The following BCAS4 variants were observed in gnomAD, a reference collection of about 807,000 sequenced individuals.
BCAS4 encodes breast carcinoma amplified sequence 4.
Under a neutral mutation model 15.7 loss-of-function variants are expected in BCAS4, and 9 were observed. That is an observed-to-expected ratio of 0.57 (90% confidence interval 0.34 to 1.00). BCAS4 has a LOEUF of 1.00. Ranked by LOEUF, BCAS4 falls within the 50% of genes least tolerant of loss-of-function variation. BCAS4 has a pLI of 0.02. For synonymous variants in BCAS4, 101 were observed against 99.5 expected (o/e 1.02, Z -0.09); for missense variants, 225 against 239.1 (o/e 0.94, Z 0.39).
rs965574691 is a variant in BCAS4, at chr20:50,795,229, G to C, written c.90+56G>C. 3 of 1,271,784 alleles carry C rather than the reference G, an allele frequency of 2.4e-6. No homozygotes were observed. The African/African-American group carries it at 4.6e-5, about 20-fold the overall frequency. The allele number at this position is 1,271,784 out of a possible 1,614,324, so 78.8% of individuals were successfully genotyped here. On this transcript the variant is annotated intron_variant, in intron 1 of 4. Transcript: ENST00000371608. ...AGGGTTCTCGCGGTTAGGGGTCCGG[G>C]CTCCGGACCCTCGGCTTCCCCGGAG...
At chr20:50,802,558 C>T (rs1348361230) in intron 1 of BCAS4, among the ~76,000 whole-genome samples, 3 of 152,292 alleles carry the variant, frequency 2.0e-5, no homozygotes, top group Middle Eastern at 3.4e-3. Flanking sequence ...CCAGCTTCAG[C>T]GTCACACAGA....
intron 1 of BCAS4, among the ~76,000 whole-genome samples, chr20:50,801,064 A>C (rs753410958): frequency 6.6e-6 from 1 of 152,156 alleles, no homozygotes; most frequent in African/African-American, 2.4e-5. Flanking sequence ...AAACTTCCTA[A>C]CATGTCGCAT....
rs553537634 is a variant in BCAS4 at position 50,859,407 on chromosome 20, G to A, written c.400-17079G>A. On this transcript the variant is annotated intron_variant, in intron 4 of 4. Coordinates refer to ENST00000371608, the MANE Select transcript of BCAS4 (RefSeq NM_198799.4). ...GCCGCCTGCTCCTGGCCCTGGCGAT[G>A]GCCTAGTGTGTGATATGCCCCAGGG... Among the ~76,000 whole-genome samples the A allele has an allele frequency of 9.7e-4, 147 of 152,290 alleles. 5 individuals are homozygous for A. Among genetic ancestry groups the A allele is most frequent in the Admixed American group, 8.3e-3 (127 of 15,292 alleles).
At position 50,851,802 on chromosome 20, in the gene BCAS4, C is replaced by T. The variant is rs1421787398; in HGVS notation, c.399+9902C>T. ...GGCAATGTTCATTATTGTTCAAAGC[C>T]CCAGTCACACGGTCCCACCCCTGGG... On this transcript the variant is annotated intron_variant, in intron 4 of 4. Transcript: ENST00000371608. This position sits in a 1 kb window ranked among gnomAD's most constrained non-coding sequence, Gnocchi z 4.3. Among the ~76,000 whole-genome samples, 1 of 152,228 alleles carries T rather than the reference C, an allele frequency of 6.6e-6. No homozygotes were observed. Among genetic ancestry groups the T allele is most frequent in the Admixed American group, 6.5e-5 (1 of 15,290 alleles).
At chr20:50,841,123 C>T (rs2088475769) in intron 3 of BCAS4, among the ~76,000 whole-genome samples, 1 of 152,224 alleles carries the variant, frequency 6.6e-6, no homozygotes, top group South Asian at 2.1e-4. Flanking sequence ...AGCCACCGCA[C>T]CCCTTTTTCT....
Position 50,829,208 on chromosome 20 carries a change from G to C in BCAS4, c.163-1071G>C, listed in dbSNP as rs575879580. 1.2e-3 allele frequency among the ~76,000 whole-genome samples: 190 copies of C among 152,228 alleles called. 1 individual carries two copies. Among genetic ancestry groups the C allele is most frequent in the Middle Eastern group, 3.4e-3 (1 of 294 alleles). On this transcript the variant is annotated intron_variant, in intron 2 of 4. Coordinates refer to ENST00000371608, the MANE Select transcript of BCAS4 (RefSeq NM_198799.4). ...GAGGCTGGGAATCAGCATTTGAAAG[G>C]CTTCCCCCAGGAGATTCAGTTGCTC... is the stretch of plus-strand genomic sequence containing the variant.
chr20:50,874,745 G>A (rs554489580), intron 4 of BCAS4, among the ~76,000 whole-genome samples: 1 of 152,308 alleles, frequency 6.6e-6, no homozygotes, highest in East Asian at 1.9e-4. Flanking sequence ...AGGGGGAGGG[G>A]AGGGAAGGGG....
intron 1 of BCAS4, among the ~76,000 whole-genome samples, chr20:50,810,585 TTG>T (rs1384996799): frequency 7.0e-6 from 1 of 142,376 alleles, no homozygotes; most frequent in Admixed American, 7.2e-5. Context: ...GTTATTTTTT[TTG>T]TGTTTTTTTT....
rs1383293619 is a variant in BCAS4, at chr20:50,795,157, C to G, written c.74C>G (p.Pro25Arg). ...GARELALFLT[P>R]EPGAEAKEVE... ...CGCGAGCTCGCGCTCTTCCTGACCC[C>G]CGAGCCTGGGGCCGAGGTAGGGGAC... Residue 25 changes from proline to arginine, a missense_variant, in exon 1 of 5, where the codon CCC becomes CGC. Physicochemically the swap from Pro to Arg is moderately radical, Grantham distance 103. Coordinates refer to ENST00000371608, the MANE Select transcript of BCAS4 (RefSeq NM_198799.4). 1 of 1,462,324 alleles carries G rather than the reference C, an allele frequency of 6.8e-7. No homozygotes were observed. The highest frequency in any genetic ancestry group is 2.9e-5 in the East Asian group (1 of 34,942). The allele number at this position is 1,462,324 out of a possible 1,614,324, so 90.6% of individuals were successfully genotyped here.
chr20:50,866,649 T>A (rs566832225), intron 4 of BCAS4, among the ~76,000 whole-genome samples: 2 of 152,262 alleles, frequency 1.3e-5, no homozygotes, highest in East Asian at 3.9e-4. Flanking sequence ...CCCCTGAGGG[T>A]CCTGAGGTTG....
In BCAS4 at chr20:50,854,122, A is replaced by G. The variant is rs926814204; in HGVS notation, c.399+12222A>G. Reference sequence around the variant, plus strand: ...CCTATAAATATGAAAAAGTTTCCTTATAAATATGGAAAAGAATACAAAGTT... The same window carrying G: ...CCTATAAATATGAAAAAGTTTCCTTGTAAATATGGAAAAGAATACAAAGTT... On this transcript the variant is annotated intron_variant, in intron 4 of 4. Coordinates refer to ENST00000371608, the MANE Select transcript of BCAS4 (RefSeq NM_198799.4). 6.6e-5 allele frequency among the ~76,000 whole-genome samples: 10 copies of G among 152,236 alleles called. 2 individuals are homozygous for G. The highest frequency in any genetic ancestry group is 5.9e-4 in the Admixed American group (9 of 15,292).
At position 50,866,113 on chromosome 20, in the gene BCAS4, T is replaced by G. The variant is rs1048388771; in HGVS notation, c.400-10373T>G. 5.9e-5 allele frequency among the ~76,000 whole-genome samples: 9 copies of G among 152,278 alleles called. No individual in the cohort carries two copies. In the South Asian group the frequency reaches 1.9e-3, roughly 32 times the overall value. On this transcript the variant is annotated intron_variant, in intron 4 of 4. Transcript: ENST00000371608. ...GGACCCTGGGCACGTGGCCTAGCCCTGTTCTCTCCAAGCCCGCTTTCTCAT... is the reference window on the plus strand; with the variant it reads ...GGACCCTGGGCACGTGGCCTAGCCCGGTTCTCTCCAAGCCCGCTTTCTCAT...
At chr20:50,881,261 A>G (rs1980111499), downstream of BCAS4, 1 of 152,196 alleles carries the variant, frequency 6.6e-6, no homozygotes, top group Non-Finnish European at 1.5e-5. Context: ...CTATTGAAGA[A>G]ATAGGTTAAA....
At chr20:50,873,716 G>A (rs552636250) in intron 4 of BCAS4, among the ~76,000 whole-genome samples, 5 of 152,332 alleles carry the variant, frequency 3.3e-5, no homozygotes, top group African/African-American at 1.2e-4. Context: ...GCTGGGGAAC[G>A]TGCTAGGAGA....
chr20:50,866,593 C>T (rs1979370358), intron 4 of BCAS4, among the ~76,000 whole-genome samples: 1 of 152,240 alleles, frequency 6.6e-6, no homozygotes, highest in Admixed American at 6.5e-5. Flanking sequence ...CGGATGCTGA[C>T]CAAAGGTGAC....
intron 4 of BCAS4, among the ~76,000 whole-genome samples, chr20:50,844,554 G>A (rs1440936400): frequency 6.6e-5 from 10 of 152,218 alleles, no homozygotes; most frequent in Admixed American, 6.5e-4. Flanking sequence ...GGTCCTGCCT[G>A]TCATTTAATA....
intron 2 of BCAS4, among the ~76,000 whole-genome samples, chr20:50,828,075 G>T (rs963509072): frequency 4.6e-5 from 7 of 151,784 alleles, no homozygotes; most frequent in African/African-American, 1.7e-4. Context: ...GGAAACCGAG[G>T]CCCAGGGAGG....
downstream of BCAS4, chr20:50,879,641 C>T (rs12480447): frequency 1.3e-5 from 2 of 152,076 alleles, no homozygotes; most frequent in African/African-American, 4.8e-5. Flanking sequence ...TCCTCCCAGC[C>T]CCTGAAACAG....
At chr20:50,875,630 A>T (rs994846819) in intron 4 of BCAS4, among the ~76,000 whole-genome samples, 1 of 151,396 alleles carries the variant, frequency 6.6e-6, no homozygotes, top group Non-Finnish European at 1.5e-5. Flanking sequence ...AAAGAAAAAA[A>T]ATTAGCCGGG....
Sources: gnomAD v4.1 joint callset for allele counts (sites outside exome capture counted in the v4.1 genomes callset) on GRCh38, gnomAD v4.1.1 for gene constraint, Gnocchi (gnomAD v3.1) non-coding constraint, MANE v1.5 for transcripts, NCBI Gene and HGNC (gene_info 2026-07-23, HGNC 2026-07-21) for gene names.